The following IL20RB variants were observed in gnomAD, a reference collection of about 807,000 sequenced individuals.
IL20RB encodes the protein interleukin-20 receptor subunit beta.
IL20RB carries 21 observed loss-of-function variants against 33.3 expected under a neutral mutation model. The ratio of observed to expected loss-of-function variants is 0.63; its 90% CI spans 0.45 to 0.91. The LOEUF (loss-of-function observed/expected upper bound fraction) is 0.91. IL20RB is among the 40% of genes least tolerant of loss of function. IL20RB has a pLI of 0.00. For synonymous variants in IL20RB, 147 were observed against 146.8 expected, an observed-to-expected ratio of 1.00 and a Z score of -0.01; for missense variants, 345 against 384.8, an observed-to-expected ratio of 0.90 and a Z score of 0.86.
At chr3:137,009,977 G>A in intron 6 of IL20RB, 136 bp from the exon 7 acceptor site, 1 of 597,922 alleles carries the variant, frequency 1.7e-6, no homozygotes, top group Non-Finnish European at 3.0e-6. Context: ...CCTGATCTAG[G>A]GCTTGAAATT....
intron 6 of IL20RB, 140 bp from the exon 7 acceptor site, chr3:137,009,973 C>T (rs1933042433): frequency 8.4e-6 from 5 of 593,486 alleles, no homozygotes; most frequent in Non-Finnish European, 1.5e-5. Context: ...AGCCCCTGAT[C>T]TAGGGCTTGA....
intron 1 of IL20RB, among the ~76,000 whole-genome samples, chr3:136,973,267 G>T (rs1464926342): frequency 2.0e-5 from 3 of 151,730 alleles, no homozygotes; most frequent in African/African-American, 7.3e-5. Context: ...GGATCACAAG[G>T]CCAGGAGATA....
intron 6 of IL20RB, among the ~76,000 whole-genome samples, chr3:136,999,575 T>G (rs1177015125): frequency 1.3e-5 from 2 of 150,062 alleles, no homozygotes; most frequent in African/African-American, 2.5e-5. Flanking sequence ...TTTTTTTGTC[T>G]CATTCTCTTC....
chr3:136,980,291 C>G, intron 1 of IL20RB, 175 bp from the exon 2 acceptor site: 1 of 543,862 alleles, frequency 1.8e-6, no homozygotes, highest in Non-Finnish European at 3.2e-6. Context: ...ACATGTGAGG[C>G]TTTTTTTTTT....
chr3:137,009,999 T>G, intron 6 of IL20RB, 114 bp from the exon 7 acceptor site: 1 of 638,880 alleles, frequency 1.6e-6, no homozygotes, highest in Non-Finnish European at 2.8e-6. Flanking sequence ...TTTTTTGGTT[T>G]TTGTTTTTGC....
intron 3 of IL20RB, among the ~76,000 whole-genome samples, chr3:136,987,627 G>T (rs184870): frequency 6.6e-6 from 1 of 152,210 alleles, no homozygotes; most frequent in East Asian, 1.9e-4. Flanking sequence ...ACTGGGCGCC[G>T]TGGAGCAGGG....
intron 3 of IL20RB, 31 bp from the exon 4 acceptor site, chr3:136,989,410 G>T (rs772440087): frequency 1.2e-6 from 2 of 1,612,330 alleles, no homozygotes; most frequent in Admixed American, 1.7e-5. Flanking sequence ...GTCTGGGGCT[G>T]GCTTTGACTC....
rs763114388 is a variant in IL20RB, at chr3:136,982,342, G to A, written c.398G>A (p.Arg133Lys). Residue 133 changes from arginine (R) to lysine (K), a missense_variant, in exon 3 of 7, where the codon AGA becomes AAA. Coordinates refer to ENST00000329582, the MANE Select transcript of IL20RB (RefSeq NM_144717.4). ...AWSILKHPFNRNSTILTRPGM... is the reference protein window; with the variant it reads ...AWSILKHPFNKNSTILTRPGM... Reference sequence around the variant, plus strand: ...AGCATCCTGAAGCATCCCTTTAATAGAAACTCAAGTAAGGCACTTCTCTCC... The same window carrying A: ...AGCATCCTGAAGCATCCCTTTAATAAAAACTCAAGTAAGGCACTTCTCTCC... The A allele has an allele frequency of 6.3e-7, 1 of 1,581,712 alleles. No homozygotes were observed. The highest frequency in any genetic ancestry group is 8.6e-7 in the Non-Finnish European group (1 of 1,156,296).
intron 6 of IL20RB, among the ~76,000 whole-genome samples, chr3:136,998,142 T>C (rs1217809331): frequency 6.6e-6 from 1 of 150,744 alleles, no homozygotes; most frequent in Non-Finnish European, 1.5e-5. Flanking sequence ...TTTTTTTTTT[T>C]TTTTTCCCCT....
intron 1 of IL20RB, among the ~76,000 whole-genome samples, chr3:136,967,311 T>C (rs1419090531): frequency 1.5e-5 from 2 of 136,082 alleles, no homozygotes; most frequent in African/African-American, 5.5e-5. Context: ...AAGTCTCCCA[T>C]TATTAATGTG....
intron 4 of IL20RB, among the ~76,000 whole-genome samples, chr3:136,990,824 C>T (rs545689661): frequency 3.3e-5 from 4 of 119,856 alleles, no homozygotes; most frequent in East Asian, 3.9e-4. Flanking sequence ...CACTGGGTTT[C>T]GGTATTTACC....
At chr3:137,002,224 A>G (rs1443712595) in intron 6 of IL20RB, among the ~76,000 whole-genome samples, 1 of 152,140 alleles carries the variant, frequency 6.6e-6, no homozygotes, top group Non-Finnish European at 1.5e-5. Context: ...GAATAGTGCC[A>G]CAATAAACCT....
intron 5 of IL20RB, among the ~76,000 whole-genome samples, chr3:136,993,442 T>C (rs963717046): frequency 4.6e-5 from 7 of 152,196 alleles, no homozygotes; most frequent in African/African-American, 1.4e-4. Flanking sequence ...TTTATTATAC[T>C]TTAAGTTCTA....
chr3:136,979,284 G>C (rs764564190), intron 1 of IL20RB, among the ~76,000 whole-genome samples: 1 of 152,152 alleles, frequency 6.6e-6, no homozygotes, highest in African/African-American at 2.4e-5. Context: ...ATTAGAGAAA[G>C]GGCAGGGAAA....
At chr3:136,977,524 T>C (rs1941649100) in intron 1 of IL20RB, among the ~76,000 whole-genome samples, 1 of 152,198 alleles carries the variant, frequency 6.6e-6, no homozygotes, top group African/African-American at 2.4e-5. Flanking sequence ...TGCTGGTATA[T>C]AGAAATATAA....
In IL20RB at chr3:136,977,466, AC is replaced by A. The variant is rs879538982; in HGVS notation, c.89-2998del. ...CCTGAGTATATTTTGTCAGATTTAC[AC>A]CTATTTTTTTAGTGATTATAATTTT... is the stretch of plus-strand genomic sequence containing the variant. On this transcript the variant is annotated intron_variant, in intron 1 of 6. Coordinates refer to ENST00000329582, the MANE Select transcript of IL20RB (RefSeq NM_144717.4). Among the ~76,000 whole-genome samples, 28 of 152,086 alleles carry A rather than the reference AC, an allele frequency of 1.8e-4. No homozygotes were observed. The East Asian group carries it at 3.1e-3, about 17-fold the overall frequency.
intron 6 of IL20RB, among the ~76,000 whole-genome samples, chr3:136,998,279 T>G (rs547532095): frequency 7.2e-5 from 11 of 152,028 alleles, no homozygotes; most frequent in African/African-American, 2.2e-4. Context: ...ATATACATAT[T>G]CTTAACTTTT....
intron 6 of IL20RB, among the ~76,000 whole-genome samples, chr3:137,000,417 T>G (rs1942218513): frequency 1.3e-5 from 2 of 152,250 alleles, no homozygotes; most frequent in South Asian, 4.1e-4. Context: ...CTCTGTTTTT[T>G]GGCTTTTCAA....
chr3:137,007,771 A>G (rs1168842580), intron 6 of IL20RB, among the ~76,000 whole-genome samples: 1 of 152,116 alleles, frequency 6.6e-6, no homozygotes, highest in African/African-American at 2.4e-5. Flanking sequence ...GCCCTGCTTC[A>G]GCTCGCCCTC....
Sources: gnomAD v4.1 joint callset for allele counts (sites outside exome capture counted in the v4.1 genomes callset) on GRCh38, gnomAD v4.1.1 for gene constraint, MANE v1.5 for transcripts, NCBI Gene and HGNC (gene_info 2026-07-23, HGNC 2026-07-21) for gene names.